PCDH11Y: variants seen among roughly 807,000 people sequenced by gnomAD.
The protein encoded by PCDH11Y is protocadherin 11 Y-linked, also known as protocadherin-11 Y-linked.
For missense variants in PCDH11Y, 12 were observed against 224.8 expected, an observed-to-expected ratio of 0.05 and a Z score of 6.05; for synonymous variants, 9 against 83.6, an observed-to-expected ratio of 0.11 and a Z score of 4.87.
At chrY:5,533,050 C>T (rs2053396856) in intron 3 of PCDH11Y, among the ~76,000 whole-genome samples, 1 of 32,228 alleles carries the variant, frequency 3.1e-5, no homozygotes, top group South Asian at 7.1e-4. Flanking sequence ...CCAGGATGGT[C>T]TCGAACTCCT....
At chrY:5,710,749 T>A in intron 4 of PCDH11Y, among the ~76,000 whole-genome samples, 1 of 32,994 alleles carries the variant, frequency 3.0e-5, no homozygotes, top group African/African-American at 1.2e-4. Flanking sequence ...CTGGAATATT[T>A]GAGTTTATGT....
chrY:5,435,842 C>A (rs2053274679), intron 2 of PCDH11Y, among the ~76,000 whole-genome samples: 1 of 32,289 alleles, frequency 3.1e-5, no homozygotes, highest in Non-Finnish European at 7.5e-5. Context: ...TGGTCAGTTG[C>A]GTCTACACCC....
intron 2 of PCDH11Y, among the ~76,000 whole-genome samples, chrY:5,263,478 C>T (rs1602895958): frequency 2.3e-3 from 74 of 32,604 alleles, no homozygotes; most frequent in Admixed American, 3.9e-3. Context: ...TGAGGCCTCT[C>T]CAGCCACCTG....
intron 3 of PCDH11Y, among the ~76,000 whole-genome samples, chrY:5,537,348 A>G: frequency 4.4e-5 from 1 of 22,649 alleles, no homozygotes; most frequent in Non-Finnish European, 9.9e-5. Context: ...TCTGGGTTCT[A>G]TTTTAATCAT....
At chrY:5,116,285 T>C in intron 2 of PCDH11Y, among the ~76,000 whole-genome samples, 1 of 33,672 alleles carries the variant, frequency 3.0e-5, no homozygotes, top group South Asian at 6.5e-4. Context: ...GTAAAGGAAA[T>C]GAAAACCATC....
chrY:5,205,415 A>T, intron 2 of PCDH11Y, among the ~76,000 whole-genome samples: 1 of 28,175 alleles, frequency 3.5e-5, no homozygotes, highest in Non-Finnish European at 8.1e-5. Flanking sequence ...TTGTCAATTC[A>T]GTAAATATCA....
chrY:5,008,974 C>A, intron 1 of PCDH11Y, among the ~76,000 whole-genome samples: 1 of 32,940 alleles, frequency 3.0e-5, no homozygotes, highest in Non-Finnish European at 7.5e-5. Flanking sequence ...TGGAAGGGAC[C>A]GGAAAGATAA....
chrY:5,424,308 C>G, intron 2 of PCDH11Y, among the ~76,000 whole-genome samples: 1 of 33,219 alleles, frequency 3.0e-5, no homozygotes, highest in Non-Finnish European at 7.4e-5. Flanking sequence ...TTTCTATTTC[C>G]TTCAGTTTAA....
intron 2 of PCDH11Y, among the ~76,000 whole-genome samples, chrY:5,475,045 T>C: frequency 3.0e-5 from 1 of 33,410 alleles, no homozygotes. Context: ...ATCTTACTTA[T>C]TAGTTCTAAC....
chrY:5,081,363 G>T (rs2052719489), intron 1 of PCDH11Y, among the ~76,000 whole-genome samples: 3 of 32,409 alleles, frequency 9.3e-5, no homozygotes, highest in African/African-American at 2.4e-4. Flanking sequence ...TCTCTTTTTT[G>T]ATTCTATATG....
chrY:5,713,900 AT>A (rs530846047), intron 4 of PCDH11Y, among the ~76,000 whole-genome samples: 11 of 27,144 alleles, frequency 4.1e-4, no homozygotes, highest in East Asian at 9.5e-4. Flanking sequence ...AACATTGCTA[AT>A]TTTTTTTTTT....
At chrY:5,168,731 A>G (rs2052883891) in intron 2 of PCDH11Y, among the ~76,000 whole-genome samples, 1 of 24,593 alleles carries the variant, frequency 4.1e-5, no homozygotes, top group Non-Finnish European at 9.5e-5. Flanking sequence ...TATGAGATGA[A>G]AGCTATATAA....
chrY:5,544,341 G>A, intron 3 of PCDH11Y, among the ~76,000 whole-genome samples: 3 of 32,819 alleles, frequency 9.1e-5, no homozygotes, highest in East Asian at 8.0e-4. Flanking sequence ...GTCTCCATAC[G>A]TGTGAAGAAA....
intron 2 of PCDH11Y, among the ~76,000 whole-genome samples, chrY:5,283,415 T>C: frequency 3.3e-5 from 1 of 30,476 alleles, no homozygotes; most frequent in African/African-American, 1.3e-4. Context: ...TATTTTTCTG[T>C]GATTTATATT....
chrY:5,578,786 G>A, intron 3 of PCDH11Y, among the ~76,000 whole-genome samples: 1 of 33,328 alleles, frequency 3.0e-5, no homozygotes, highest in African/African-American at 1.2e-4. Context: ...ATACTTACAT[G>A]CAATATTATA....
chrY:5,345,074 C>T, intron 2 of PCDH11Y, among the ~76,000 whole-genome samples: 2 of 34,626 alleles, frequency 5.8e-5, no homozygotes, highest in Non-Finnish European at 1.4e-4. Context: ...AATTCAAATG[C>T]TAATTGTCAA....
At chrY:5,537,572 G>A (rs2053401833) in intron 3 of PCDH11Y, among the ~76,000 whole-genome samples, 1 of 32,380 alleles carries the variant, frequency 3.1e-5, no homozygotes, top group African/African-American at 1.2e-4. Flanking sequence ...CGTGCAGTTC[G>A]TAGGGGAACC....
intron 2 of PCDH11Y, among the ~76,000 whole-genome samples, chrY:5,304,498 G>A (rs2563028): frequency 3.0e-5 from 1 of 33,643 alleles, no homozygotes; most frequent in Non-Finnish European, 7.3e-5. Flanking sequence ...CACATCATCT[G>A]TGGAAACCAT....
intron 4 of PCDH11Y, among the ~76,000 whole-genome samples, chrY:5,684,686 G>T (rs2053561807): frequency 8.8e-5 from 3 of 34,285 alleles, no homozygotes; most frequent in Non-Finnish European, 7.3e-5. Flanking sequence ...CAACATAGAT[G>T]GAGCTGGAGG....
Sources: allele counts gnomAD v4.1 joint callset (sites outside exome capture counted in the v4.1 genomes callset), GRCh38; gene constraint gnomAD v4.1.1; transcripts MANE v1.5; gene names NCBI Gene and HGNC (gene_info 2026-07-23, HGNC 2026-07-21).